Variants in MIB1 observed in about 807,000 individuals in gnomAD.
The protein encoded by MIB1 is E3 ubiquitin-protein ligase MIB1.
MIB1 carries 278 observed loss-of-function variants against 124.5 expected under a neutral mutation model. The observed-to-expected ratio is 2.23, with a 90% CI of 2.02 to 2.47. The LOEUF (loss-of-function observed/expected upper bound fraction) is 2.47. Among genes scored for constraint, MIB1 ranks in the 30% most tolerant of loss-of-function variants. The probability of loss-of-function intolerance (pLI) is 0.00; values close to 1 mark genes in which losing one functional copy is unlikely to be tolerated. For missense variants in MIB1, 957 were observed against 1,254.4 expected, an observed-to-expected ratio of 0.76 and a Z score of 3.58; for synonymous variants, 446 against 429.4, an observed-to-expected ratio of 1.04 and a Z score of -0.48.
intron 1 of MIB1, chr18:21,705,258 C>A (rs1279196189): frequency 5.3e-5 from 8 of 152,232 alleles, no homozygotes; most frequent in Admixed American, 5.2e-4. Context: ...TATGAGCATT[C>A]AACAGTGAGG....
intron 7 of MIB1, among the ~76,000 whole-genome samples, chr18:21,795,397 T>C (rs2041566428): frequency 6.9e-6 from 1 of 145,348 alleles, no homozygotes; most frequent in Non-Finnish European, 1.5e-5. Context: ...TATTTTTATA[T>C]ATACACACAC....
At chr18:21,863,022 C>T (rs983017041) in intron 20 of MIB1, among the ~76,000 whole-genome samples, 16 of 152,260 alleles carry the variant, frequency 1.1e-4, no homozygotes, top group South Asian at 4.1e-4. Flanking sequence ...CTCTGTCGCC[C>T]AGGCTGGAGA....
chr18:21,720,693 A>G (rs977266621), intron 1 of MIB1, among the ~76,000 whole-genome samples: 1 of 152,182 alleles, frequency 6.6e-6, no homozygotes, highest in African/African-American at 2.4e-5. Context: ...TTATGCCTGT[A>G]ATCCCAGCAC....
At chr18:21,808,760 A>T (rs1401885692) in intron 10 of MIB1, among the ~76,000 whole-genome samples, 1 of 152,132 alleles carries the variant, frequency 6.6e-6, no homozygotes, top group Non-Finnish European at 1.5e-5. Flanking sequence ...TAGGTGAGCT[A>T]ATTTTGGATC....
At chr18:21,734,318 G>A (rs931963084) in intron 1 of MIB1, among the ~76,000 whole-genome samples, 1 of 151,642 alleles carries the variant, frequency 6.6e-6, no homozygotes, top group Non-Finnish European at 1.5e-5. Flanking sequence ...TGTTGGCCAG[G>A]ATGGTCTCAA....
At chr18:21,780,457 A>G (rs1393944262) in intron 6 of MIB1, among the ~76,000 whole-genome samples, 2 of 152,040 alleles carry the variant, frequency 1.3e-5, no homozygotes, top group East Asian at 3.9e-4. Context: ...CACATTTTAC[A>G]TCTCCTCATA....
At chr18:21,752,354 C>T (rs1167249616) in intron 1 of MIB1, among the ~76,000 whole-genome samples, 1 of 151,878 alleles carries the variant, frequency 6.6e-6, no homozygotes, top group East Asian at 1.9e-4. Context: ...GAAAATTGCC[C>T]AATTAATATT....
chr18:21,731,202 T>C (rs561983339), intron 1 of MIB1, among the ~76,000 whole-genome samples: 2 of 152,218 alleles, frequency 1.3e-5, no homozygotes, highest in Non-Finnish European at 2.9e-5. Flanking sequence ...TATAAGTTTC[T>C]GGGGTGCAGT....
At chr18:21,840,657 ATATATATATT>A (rs1312933840) in intron 13 of MIB1, among the ~76,000 whole-genome samples, 11 of 1,680 alleles carry the variant, frequency 6.5e-3, no homozygotes, top group African/African-American at 0.016. Context: ...ATATATATAT[ATATATATATT>A]TTTTTTTTTT....
chr18:21,770,727 C>G (rs1376008735), intron 3 of MIB1, among the ~76,000 whole-genome samples: 1 of 151,790 alleles, frequency 6.6e-6, no homozygotes, highest in Non-Finnish European at 1.5e-5. Flanking sequence ...TTTTGTTAAG[C>G]TCTTTATTAT....
intron 1 of MIB1, among the ~76,000 whole-genome samples, chr18:21,760,333 C>T (rs942592933): frequency 7.9e-5 from 12 of 152,130 alleles, no homozygotes; most frequent in Admixed American, 7.2e-4. Flanking sequence ...TTATTTAATG[C>T]CCTTTCTTCT....
Position 21,865,405 on chromosome 18 carries a change from C to A in MIB1, c.*739C>A, listed in dbSNP as rs528410759. On this transcript the variant is annotated 3_prime_UTR_variant, in exon 21 of 21. Transcript: ENST00000261537. ...TGGGCAACTGAAGAGAAAAAAAAAA[C>A]GAGTATCTATTAACTGGCCACTAAC... The A allele has an allele frequency of 6.6e-6, 1 of 151,610 alleles. No homozygotes were observed. The highest frequency in any genetic ancestry group is 2.1e-4 in the South Asian group (1 of 4,802). 9.4% of individuals were successfully genotyped at this position (151,610 alleles called of 1,614,324 possible). A position where few individuals can be genotyped will look rare whatever the true frequency, so the allele number is the denominator to read the frequency against.
intron 1 of MIB1, among the ~76,000 whole-genome samples, chr18:21,755,654 C>T (rs960942957): frequency 4.6e-5 from 7 of 152,110 alleles, no homozygotes; most frequent in African/African-American, 1.4e-4. Flanking sequence ...GGAACACAAC[C>T]AAGATAAGGT....
At chr18:21,757,181 G>A (rs994564568) in intron 1 of MIB1, among the ~76,000 whole-genome samples, 2 of 151,850 alleles carry the variant, frequency 1.3e-5, no homozygotes, top group Admixed American at 6.6e-5. Flanking sequence ...AGGCCATGCG[G>A]TGGCTCACGC....
At position 21,847,113 on chromosome 18, in the gene MIB1, AG is replaced by A. The variant is rs776380810; in HGVS notation, c.2383del (p.Glu795LysfsTer14). On this transcript the variant is annotated frameshift_variant, in exon 16 of 21. Transcript: ENST00000261537. LOFTEE classifies it high-confidence loss of function. The part of the protein sequence containing the change: ...NLCKALAKCH[K>X]EKVSGQVGSR... ...TGCAAAGCACTGGCAAAGTGTCATA[AG>A]GAAAAAGTCAGGTTTGTATTATTTA... 1 of 1,614,050 alleles carries A rather than the reference AG, an allele frequency of 6.2e-7. No homozygotes were observed. The highest frequency in any genetic ancestry group is 8.5e-7 in the Non-Finnish European group (1 of 1,179,922).
chr18:21,854,002 G>A (rs1397539929), intron 18 of MIB1, among the ~76,000 whole-genome samples: 2 of 93,302 alleles, frequency 2.1e-5, no homozygotes, highest in Non-Finnish European at 3.8e-5. Flanking sequence ...AACAGACTGA[G>A]ACTCAGTCTT....
rs997151588 is a variant in MIB1 at position 21,867,660 on chromosome 18, T to C, written c.*2994T>C. 1 of 152,590 alleles carries C rather than the reference T, an allele frequency of 6.6e-6. No homozygotes were observed. Among genetic ancestry groups the C allele is most frequent in the African/African-American group, 2.4e-5 (1 of 41,468 alleles). The allele number at this position is 152,590 out of a possible 1,614,324, so 9.5% of individuals were successfully genotyped here. A position where few individuals can be genotyped will look rare whatever the true frequency, so the allele number is the denominator to read the frequency against. ...TTGATAATTAATGTTGGAAATACAT[T>C]TCTAAAATTTATATTTTTATGGTGT... On this transcript the variant is annotated 3_prime_UTR_variant, in exon 21 of 21. Transcript: ENST00000261537.
At chr18:21,725,782 A>G (rs199715540) in intron 1 of MIB1, among the ~76,000 whole-genome samples, 2 of 130,352 alleles carry the variant, frequency 1.5e-5, no homozygotes, top group East Asian at 2.2e-4. Context: ...AGGGAGGGAG[A>G]GAGGGAAGGA....
intron 9 of MIB1, among the ~76,000 whole-genome samples, chr18:21,800,975 T>G (rs1054650009): frequency 6.6e-6 from 1 of 152,088 alleles, no homozygotes; most frequent in Non-Finnish European, 1.5e-5. Flanking sequence ...TTAAGTTTTT[T>G]CTTCATTTAC....
Sources: gnomAD v4.1 joint callset for allele counts (sites outside exome capture counted in the v4.1 genomes callset) on GRCh38, gnomAD v4.1.1 for gene constraint, MANE v1.5 for transcripts, NCBI Gene and HGNC (gene_info 2026-07-23, HGNC 2026-07-21) for gene names.